PLCG2: variants seen among roughly 807,000 people sequenced by gnomAD.
The protein encoded by PLCG2 is phospholipase C gamma 2.
PLCG2 carries 69 observed loss-of-function variants against 175.6 expected under a neutral mutation model. That is an observed-to-expected ratio of 0.39 (90% confidence interval 0.32 to 0.48). The LOEUF is 0.48. Ranked by LOEUF, PLCG2 falls within the 20% of genes least tolerant of loss-of-function variation. The pLI is 0.91. For synonymous variants in PLCG2, 827 were observed against 624.0 expected, an observed-to-expected ratio of 1.33 and a Z score of -4.85; for missense variants, 1,798 against 1,650.9, an observed-to-expected ratio of 1.09 and a Z score of -1.54.
intron 2 of PLCG2, among the ~76,000 whole-genome samples, chr16:81,843,935 T>C (rs1256090039): frequency 1.3e-5 from 2 of 152,052 alleles, no homozygotes; most frequent in Non-Finnish European, 2.9e-5. Context: ...TTCTGTTTCC[T>C]TTTCCTTTTT....
chr16:81,822,761 C>CA (rs59970301), intron 2 of PLCG2, among the ~76,000 whole-genome samples: 1 of 69,846 alleles, frequency 1.4e-5, no homozygotes, highest in African/African-American at 6.2e-5. Flanking sequence ...GACTCCATCT[C>CA]AAAAAAAAAA....
intron 2 of PLCG2, among the ~76,000 whole-genome samples, chr16:81,762,386 T>C (rs1567695938): frequency 6.6e-6 from 1 of 151,720 alleles, no homozygotes; most frequent in Non-Finnish European, 1.5e-5. Flanking sequence ...CTGGCCAACA[T>C]GGGAATATCC....
At chr16:81,758,211 C>G (rs993014816) in intron 2 of PLCG2, among the ~76,000 whole-genome samples, 2 of 152,188 alleles carry the variant, frequency 1.3e-5, no homozygotes, top group Non-Finnish European at 2.9e-5. Flanking sequence ...GTCCTGGGCT[C>G]AAGCGATCTG....
chr16:81,828,392 C>T (rs1905130701), intron 2 of PLCG2, among the ~76,000 whole-genome samples: 1 of 151,712 alleles, frequency 6.6e-6, no homozygotes, highest in Non-Finnish European at 1.5e-5. Context: ...TGCCTGCCAC[C>T]ACGCCCGGCT....
chr16:81,854,700 T>A, intron 3 of PLCG2, 113 bp downstream of exon 3: 1 of 1,002,892 alleles, frequency 1.0e-6, no homozygotes, highest in Non-Finnish European at 1.5e-6. Flanking sequence ...GTATTTGGGG[T>A]CATGGTTTTG....
rs116804054 is a variant in PLCG2 at position 81,785,103 on chromosome 16, G to T, written c.-47-840G>T. ...GTTCAAGTATGAGATCCTAGGAGGA[G>T]CCGGTGAAAGGGTGAGATGCGTTGG... On this transcript the variant is annotated intron_variant, in intron 1 of 32. Coordinates refer to ENST00000564138, the MANE Select transcript of PLCG2 (RefSeq NM_002661.5). Among the ~76,000 whole-genome samples, 258 of 152,264 alleles carry T rather than the reference G, an allele frequency of 1.7e-3. 1 individual carries two copies. The highest frequency in any genetic ancestry group is 5.8e-3 in the African/African-American group (241 of 41,554).
chr16:81,857,993 C>T (rs959813674), intron 3 of PLCG2: 1 of 442,866 alleles, frequency 2.3e-6, no homozygotes, highest in African/African-American at 1.9e-5. Context: ...ACCACTCCCT[C>T]CATTCTTAGC....
intron 2 of PLCG2, among the ~76,000 whole-genome samples, chr16:81,795,963 T>C (rs1018989519): frequency 6.6e-6 from 1 of 152,188 alleles, no homozygotes; most frequent in African/African-American, 2.4e-5. Context: ...AGGGCCTAAG[T>C]TGGGGGGCAT....
At chr16:81,792,570 A>G (rs1052569620) in intron 2 of PLCG2, among the ~76,000 whole-genome samples, 2 of 151,972 alleles carry the variant, frequency 1.3e-5, no homozygotes, top group Non-Finnish European at 2.9e-5. Flanking sequence ...TATAAAGGAA[A>G]GAGGTTTAAT....
Position 81,858,247 on chromosome 16 carries a change from C to G in PLCG2, c.338-16C>G. On this transcript the variant is annotated splice_polypyrimidine_tract_variant and intron_variant, in intron 3 of 32. Transcript: ENST00000564138. ...AGGAATTAACACAGCATTTCTGTTC[C>G]CTTTCTCCACTCCAGCTGACTCTAA... 1 of 1,571,972 alleles carries G rather than the reference C, an allele frequency of 6.4e-7. No individual in the cohort carries two copies. The highest frequency in any genetic ancestry group is 8.8e-7 in the Non-Finnish European group (1 of 1,141,534).
At chr16:81,778,208 T>A (rs1170059260), upstream of PLCG2, among the ~76,000 whole-genome samples, 6 of 151,818 alleles carry the variant, frequency 4.0e-5, no homozygotes, top group Non-Finnish European at 1.5e-5. Context: ...AGACCTCATG[T>A]CGAAAAAAGA....
chr16:81,778,052 A>C (rs1220701770), upstream of PLCG2, among the ~76,000 whole-genome samples: 5 of 103,004 alleles, frequency 4.9e-5, no homozygotes, highest in Admixed American at 4.4e-4. Context: ...ACAAAAAAAA[A>C]AACAAAAAAA....
chr16:81,822,849 T>C (rs1904866215), intron 2 of PLCG2, among the ~76,000 whole-genome samples: 1 of 148,552 alleles, frequency 6.7e-6, no homozygotes, highest in Non-Finnish European at 1.5e-5. Flanking sequence ...GTTGGAATGA[T>C]GTGCTTCAAA....
chr16:81,913,678 G>A (rs1335992684), intron 19 of PLCG2, among the ~76,000 whole-genome samples: 1 of 152,358 alleles, frequency 6.6e-6, no homozygotes, highest in South Asian at 2.1e-4. Context: ...GGCAGTGGAT[G>A]CTCTGGGCCT....
chr16:81,805,305 C>T (rs1000611803), intron 2 of PLCG2, among the ~76,000 whole-genome samples: 8 of 152,038 alleles, frequency 5.3e-5, no homozygotes, highest in Non-Finnish European at 1.0e-4. Flanking sequence ...CGAGACCATC[C>T]TGACTAACAC....
At chr16:81,773,288 C>T (rs924862552) in intron 2 of PLCG2, among the ~76,000 whole-genome samples, 4 of 152,150 alleles carry the variant, frequency 2.6e-5, no homozygotes, top group African/African-American at 9.7e-5. Flanking sequence ...TCTCAGTGTA[C>T]CTTGTCTGCA....
intron 21 of PLCG2, among the ~76,000 whole-genome samples, chr16:81,922,693 A>C (rs1910107965): frequency 6.6e-6 from 1 of 152,220 alleles, no homozygotes; most frequent in Admixed American, 6.5e-5. Context: ...GTTCCCTGTG[A>C]AATTCCTGTT....
intron 2 of PLCG2, among the ~76,000 whole-genome samples, chr16:81,757,357 G>A (rs1037024943): frequency 6.6e-6 from 1 of 151,988 alleles, no homozygotes; most frequent in African/African-American, 2.4e-5. Flanking sequence ...AAAAAAAGCT[G>A]TTTAGTGACC....
intron 19 of PLCG2, among the ~76,000 whole-genome samples, chr16:81,918,836 C>T (rs191066001): frequency 5.3e-5 from 8 of 151,962 alleles, no homozygotes; most frequent in Non-Finnish European, 5.9e-5. Context: ...CAAGGAGGCT[C>T]TTCTGTTTTG....
Sources: allele counts gnomAD v4.1 joint callset (sites outside exome capture counted in the v4.1 genomes callset), GRCh38; gene constraint gnomAD v4.1.1; transcripts MANE v1.5; gene names NCBI Gene and HGNC (gene_info 2026-07-23, HGNC 2026-07-21).